Variants in ACP6 observed in about 807,000 individuals in gnomAD.
The protein encoded by ACP6 is lysophosphatidic acid phosphatase type 6.
In ACP6, 48 loss-of-function variants were observed where a neutral mutation model predicts 48.1. That is an observed-to-expected ratio of 1.00 (90% confidence interval 0.79 to 1.27). ACP6 has a LOEUF of 1.27. Among genes scored for constraint, ACP6 ranks in the 50% most tolerant of loss-of-function variants. The probability of loss-of-function intolerance (pLI) is 0.00; values close to 1 mark genes in which losing one functional copy is unlikely to be tolerated. For synonymous variants in ACP6, 172 were observed against 204.2 expected, an observed-to-expected ratio of 0.84 and a Z score of 1.34; for missense variants, 485 against 529.1, an observed-to-expected ratio of 0.92 and a Z score of 0.82.
chr1:147,650,444 C>T, intron 7 of ACP6: 1 of 501,246 alleles, frequency 2.0e-6, no homozygotes, highest in South Asian at 3.0e-5. Flanking sequence ...CCCAACAACA[C>T]AGGCACCAGC....
At chr1:147,659,214 A>C (rs187114288) in intron 3 of ACP6, 175 bp from the exon 4 acceptor site, 4 of 1,050,728 alleles carry the variant, frequency 3.8e-6, no homozygotes. Flanking sequence ...CTCGAAGTGC[A>C]ATGAATGCGA....
Position 147,647,162 on chromosome 1 carries a change from T to C in ACP6, c.*261A>G. Reference sequence around the variant, plus strand: ...CCGACACAATTCTACAGGGTCATGATGTCCCCAGCCCGTGTCACACAAAGA... The same window carrying C: ...CCGACACAATTCTACAGGGTCATGACGTCCCCAGCCCGTGTCACACAAAGA... On this transcript the variant is annotated 3_prime_UTR_variant, in exon 10 of 10. Coordinates refer to ENST00000583509, the MANE Select transcript of ACP6 (RefSeq NM_016361.5). 2.5e-6 allele frequency: 1 copy of C among 403,182 alleles called. No homozygotes were observed. The highest frequency in any genetic ancestry group is 4.5e-6 in the Non-Finnish European group (1 of 221,476). 25.0% of individuals were successfully genotyped at this position (403,182 alleles called of 1,614,324 possible).
At chr1:147,633,423 C>G (rs1187342870) in intron 5 of ACP6, among the ~76,000 whole-genome samples, 1 of 151,958 alleles carries the variant, frequency 6.6e-6, no homozygotes, top group Non-Finnish European at 1.5e-5. Context: ...GTTTGGTGCC[C>G]CAGTACTATC....
chr1:147,633,669 T>C (rs1434579346), intron 5 of ACP6, among the ~76,000 whole-genome samples: 1 of 152,162 alleles, frequency 6.6e-6, no homozygotes, highest in African/African-American at 2.4e-5. Flanking sequence ...TTAATTTCAA[T>C]ATTCATTCTG....
chr1:147,648,990 G>C (rs919396283), intron 8 of ACP6, among the ~76,000 whole-genome samples: 12 of 152,144 alleles, frequency 7.9e-5, no homozygotes, highest in African/African-American at 2.9e-4. Flanking sequence ...CATCCTAGAA[G>C]ACTAGCATTG....
intron 4 of ACP6, among the ~76,000 whole-genome samples, chr1:147,656,034 T>C (rs189655002): frequency 4.3e-4 from 66 of 152,328 alleles, no homozygotes; most frequent in Admixed American, 4.0e-3. Flanking sequence ...TGGGATTCAC[T>C]GAGGTCCATC....
At chr1:147,658,271 G>A (rs950773768) in intron 4 of ACP6, among the ~76,000 whole-genome samples, 1 of 152,218 alleles carries the variant, frequency 6.6e-6, no homozygotes, top group Non-Finnish European at 1.5e-5. Flanking sequence ...GCTAAACAAA[G>A]TAACAAGAAC....
At position 147,670,290 on chromosome 1, in the gene ACP6, G is replaced by A. The variant is rs1661033363; in HGVS notation, c.-242C>T. Reference sequence around the variant, plus strand: ...TCCCTGGGAGTTTTAACCCGGGTCGGGGTTGGTCGCTCCTGCTGCACACCG... The same window carrying A: ...TCCCTGGGAGTTTTAACCCGGGTCGAGGTTGGTCGCTCCTGCTGCACACCG... On this transcript the variant is annotated 5_prime_UTR_variant, in exon 1 of 10. Transcript: ENST00000583509. 1.6e-5 allele frequency: 7 copies of A among 451,196 alleles called. No individual in the cohort carries two copies. In the South Asian group the frequency reaches 2.5e-4, roughly 16 times the overall value. 27.9% of individuals were successfully genotyped at this position (451,196 alleles called of 1,614,324 possible).
At chr1:147,636,415 C>CG (rs1466343897) in intron 5 of ACP6, among the ~76,000 whole-genome samples, 1 of 152,018 alleles carries the variant, frequency 6.6e-6, no homozygotes, top group Non-Finnish European at 1.5e-5. Context: ...GCACAGGTAG[C>CG]GGTAAGCTTT....
chr1:147,652,428 C>A (rs1553210694), intron 7 of ACP6, 21 bp downstream of exon 7: 1 of 1,601,948 alleles, frequency 6.2e-7, no homozygotes. Context: ...TGACTTCATG[C>A]CAGCAGTGAG....
chr1:147,631,375 T>C (rs1659158979), intron 5 of ACP6, among the ~76,000 whole-genome samples: 2 of 152,208 alleles, frequency 1.3e-5, no homozygotes, highest in South Asian at 4.1e-4. Context: ...TTCCAAAACA[T>C]ATCTTAAATC....
At chr1:147,649,266 G>C (rs1324633524) in intron 8 of ACP6, among the ~76,000 whole-genome samples, 1 of 152,178 alleles carries the variant, frequency 6.6e-6, no homozygotes, top group African/African-American at 2.4e-5. Flanking sequence ...TTAAACTGCA[G>C]ATGCTGATTT....
rs1278805894 is a variant in ACP6, at chr1:147,659,448, A to G, written c.427T>C (p.Tyr143His). The G allele has an allele frequency of 6.2e-7, 1 of 1,614,132 alleles. No individual in the cohort carries two copies. Among genetic ancestry groups the G allele is most frequent in the Non-Finnish European group, 8.5e-7 (1 of 1,180,046 alleles). Residue 143 changes from tyrosine (Y) to histidine (H), a missense_variant, in exon 3 of 10, where the codon TAT (tyrosine) becomes CAT (histidine). Transcript: ENST00000583509. ...GAAAGAAAGGGAATGTCTTCCACAT[A>G]GTTCTTCCTCAGTCTCTCTCCCAAG... is the stretch of plus-strand genomic sequence containing the variant. Reference protein sequence around the residue: ...FALGERLRKNYVEDIPFLSPT... With the variant: ...FALGERLRKNHVEDIPFLSPT...
chr1:147,654,337 A>G lies in ACP6; in HGVS notation c.648-11T>C. ...GTCTGCCTCCGGCCTCTGACAAAAAATAAAAAGTAAAGCCTTATATTCTAT... is the reference window on the plus strand; with the variant it reads ...GTCTGCCTCCGGCCTCTGACAAAAAGTAAAAAGTAAAGCCTTATATTCTAT... On this transcript the variant is annotated splice_polypyrimidine_tract_variant and intron_variant, in intron 5 of 9. Coordinates refer to ENST00000583509, the MANE Select transcript of ACP6 (RefSeq NM_016361.5). 6.2e-7 allele frequency: 1 copy of G among 1,613,694 alleles called. No homozygotes were observed. Among genetic ancestry groups the G allele is most frequent in the Non-Finnish European group, 8.5e-7 (1 of 1,179,922 alleles).
rs1174559756 is a variant in ACP6, at chr1:147,646,295, G to A, written c.*1128C>T. The A allele has an allele frequency of 6.6e-6, 1 of 152,212 alleles. No homozygotes were observed. The highest frequency in any genetic ancestry group is 1.9e-4 in the East Asian group (1 of 5,198). The allele number at this position is 152,212 out of a possible 1,614,324, so 9.4% of individuals were successfully genotyped here. On this transcript the variant is annotated 3_prime_UTR_variant, in exon 10 of 10. Transcript: ENST00000583509. Reference sequence around the variant, plus strand: ...GTGTCTTTCATTCAGATAGGGAAGTGTGTGGGAGAAGCAGGTCTGGGAGGA... The same window carrying A: ...GTGTCTTTCATTCAGATAGGGAAGTATGTGGGAGAAGCAGGTCTGGGAGGA...
downstream of ACP6, among the ~76,000 whole-genome samples, chr1:147,639,715 C>T (rs1659399619): frequency 6.6e-6 from 1 of 152,144 alleles, no homozygotes; most frequent in South Asian, 2.1e-4. Context: ...CTATTTCCTT[C>T]CAAATTAATT....
At chr1:147,665,213 A>C (rs1263696051) in intron 1 of ACP6, among the ~76,000 whole-genome samples, 1 of 152,242 alleles carries the variant, frequency 6.6e-6, no homozygotes, top group African/African-American at 2.4e-5. Flanking sequence ...ATAAATCTGA[A>C]ACCTGGCAGC....
At chr1:147,661,926 G>A (rs1206009168) in intron 1 of ACP6, among the ~76,000 whole-genome samples, 1 of 152,226 alleles carries the variant, frequency 6.6e-6, no homozygotes, top group Non-Finnish European at 1.5e-5. Flanking sequence ...AGGACAGGCT[G>A]ATTCTCATTA....
chr1:147,644,316 A>G lies in ACP6; in HGVS notation c.*3107T>C, dbSNP rs1659545009. On this transcript the variant is annotated 3_prime_UTR_variant, in exon 10 of 10. Transcript: ENST00000583509. ...TTATCTGTCAACTAAAAAGAAAGTA[A>G]AAAGTTTTTATTACAAAAAAGAAGA... 1 of 152,242 alleles carries G rather than the reference A, an allele frequency of 6.6e-6. No homozygotes were observed. Among genetic ancestry groups the G allele is most frequent in the South Asian group, 2.1e-4 (1 of 4,834 alleles). The allele number at this position is 152,242 out of a possible 1,614,324, so 9.4% of individuals were successfully genotyped here.
Sources: allele counts gnomAD v4.1 joint callset (sites outside exome capture counted in the v4.1 genomes callset), GRCh38; gene constraint gnomAD v4.1.1; transcripts MANE v1.5; gene names NCBI Gene and HGNC (gene_info 2026-07-23, HGNC 2026-07-21).